PCDHGB5: variants seen among roughly 807,000 people sequenced by gnomAD.
PCDHGB5 encodes protocadherin gamma-B5.
Under a neutral mutation model 62.9 loss-of-function variants are expected in PCDHGB5, and 48 were observed. That is an observed-to-expected ratio of 0.76 (90% CI 0.61 to 0.97). The LOEUF (loss-of-function observed/expected upper bound fraction) is 0.97. Among genes scored for constraint, PCDHGB5 ranks in the 50% least tolerant of loss-of-function variants. PCDHGB5 has a pLI of 0.00. For missense variants in PCDHGB5, 1,118 were observed against 1,198.6 expected (o/e 0.93, Z 0.99); for synonymous variants, 474 against 511.2 (o/e 0.93, Z 0.98).
Position 141,477,673 on chromosome 5 carries a change from G to A in PCDHGB5, c.2398-17134G>A. The A allele has an allele frequency of 1.2e-6, 2 of 1,614,168 alleles. No individual in the cohort carries two copies. The highest frequency in any genetic ancestry group is 8.5e-7 in the Non-Finnish European group (1 of 1,180,050). ...CAATAAATCGTGACAATGGCATAGT[G>A]TCATCCTTAGTGCCCCTAGACTATG... On this transcript the variant is annotated intron_variant, in intron 1 of 3. Coordinates refer to ENST00000617380, the MANE Select transcript of PCDHGB5 (RefSeq NM_018925.3). This position sits in a 1 kb window ranked among gnomAD's most constrained non-coding sequence, Gnocchi z 4.9.
chr5:141,444,551 G>A (rs758187608), intron 1 of PCDHGB5, among the ~76,000 whole-genome samples: 1 of 152,022 alleles, frequency 6.6e-6, no homozygotes, highest in Non-Finnish European at 1.5e-5. Context: ...TGAGCAAAAG[G>A]CACTTATTTG....
chr5:141,427,114 A>G (rs767478190), intron 1 of PCDHGB5: 1 of 457,522 alleles, frequency 2.2e-6, no homozygotes, highest in Non-Finnish European at 4.4e-6. Flanking sequence ...GAGATCACCT[A>G]CTCTTTCAAA....
chr5:141,433,555 G>C (rs1434189062), intron 1 of PCDHGB5, among the ~76,000 whole-genome samples: 1 of 152,088 alleles, frequency 6.6e-6, no homozygotes, highest in African/African-American at 2.4e-5. Flanking sequence ...TTCTTTTCTG[G>C]CTGGGCGCGG....
At chr5:141,409,988 G>GC (rs1561724887) in intron 1 of PCDHGB5, 1 of 1,613,278 alleles carries the variant, frequency 6.2e-7, no homozygotes, top group Non-Finnish European at 8.5e-7. Flanking sequence ...AGCGGTGGAC[G>GC]CCGACTCGGG....
chr5:141,420,840 TC>T (rs1453160032), intron 1 of PCDHGB5, among the ~76,000 whole-genome samples: 1 of 152,250 alleles, frequency 6.6e-6, no homozygotes, highest in Admixed American at 6.5e-5. Flanking sequence ...TCGCAGGTGT[TC>T]TTGGTAAAGT....
At position 141,400,254 on chromosome 5, in the gene PCDHGB5, G is replaced by C; in HGVS notation, c.2127G>C (p.Leu709Phe). The C allele has an allele frequency of 6.2e-7, 1 of 1,613,980 alleles. No individual in the cohort carries two copies. ...TGGCCGTGATTCTGGCCGTTGCCTT[G>C]CGCCTGCGACGCTCCTCCAGCCCTG... ...FLLAVILAVA[L>F]RLRRSSSPAA... The change falls in exon 1 of 4, where the codon TTG becomes TTC. Residue 709 changes from leucine (L) to phenylalanine (F), a missense_variant. Transcript: ENST00000617380.
In PCDHGB5 at chr5:141,432,887, T is replaced by G. The variant is rs146168033; in HGVS notation, c.2397+32363T>G. 2.8e-4 allele frequency: 451 copies of G among 1,614,156 alleles called. No individual in the cohort carries two copies. In the African/African-American group the frequency reaches 4.6e-3, roughly 17 times the overall value. ...CTGCGTCTTCCTGGCCTTCGTCATC[T>G]TGCTGCTGGCGCTCAGGCTGCGGCG... is the stretch of plus-strand genomic sequence containing the variant. On this transcript the variant is annotated intron_variant, in intron 1 of 3. Transcript: ENST00000617380. The surrounding 1 kb of genome is among the most constrained non-coding windows in gnomAD (Gnocchi z 6.0).
rs752401867 is a variant in PCDHGB5, at chr5:141,511,224, G to A, written c.*51G>A. On this transcript the variant is annotated 3_prime_UTR_variant, in exon 4 of 4. Transcript: ENST00000617380. ...GGGCGGCCTCTCCCCAACCAGCCCA[G>A]CTTCTCCTTACCTGCACCCAGGCCT... 1.2e-6 allele frequency: 2 copies of A among 1,603,276 alleles called. No homozygotes were observed.
At chr5:141,473,401 T>G (rs1285517100) in intron 1 of PCDHGB5, among the ~76,000 whole-genome samples, 3 of 152,222 alleles carry the variant, frequency 2.0e-5, no homozygotes. Context: ...GCTTCTTTTT[T>G]TCTTCTTCAG....
rs2099745591 is a variant in PCDHGB5, at chr5:141,492,999, T to C, written c.2398-1808T>C. Among the ~76,000 whole-genome samples, 3 of 152,350 alleles carry C rather than the reference T, an allele frequency of 2.0e-5. No homozygotes were observed. In the South Asian group the frequency reaches 6.2e-4, roughly 32 times the overall value. ...CTGTCTCCTCTGGCAGATGGAAAGCTATAGGCTCTGCCAGATGCCAGGGTG... is the reference window on the plus strand; with the variant it reads ...CTGTCTCCTCTGGCAGATGGAAAGCCATAGGCTCTGCCAGATGCCAGGGTG... On this transcript the variant is annotated intron_variant, in intron 1 of 3. Coordinates refer to ENST00000617380, the MANE Select transcript of PCDHGB5 (RefSeq NM_018925.3).
chr5:141,498,565 G>C (rs2099784348), intron 2 of PCDHGB5, among the ~76,000 whole-genome samples: 1 of 152,044 alleles, frequency 6.6e-6, no homozygotes. Context: ...CTTCAAAGCA[G>C]GGCTAGTATT....
chr5:141,486,282 C>T lies in PCDHGB5; in HGVS notation c.2398-8525C>T. ...AGTGCAGAACCTGGCACTGTGGTGGCACTTATCAGTGTGCAGGATCCAGAC... is the reference window on the plus strand; with the variant it reads ...AGTGCAGAACCTGGCACTGTGGTGGTACTTATCAGTGTGCAGGATCCAGAC... On this transcript the variant is annotated intron_variant, in intron 1 of 3. Transcript: ENST00000617380. This position sits in a 1 kb window ranked among gnomAD's most constrained non-coding sequence, Gnocchi z 5.0. 6.2e-7 allele frequency: 1 copy of T among 1,614,052 alleles called. No homozygotes were observed. Among genetic ancestry groups the T allele is most frequent in the Non-Finnish European group, 8.5e-7 (1 of 1,179,992 alleles).
intron 1 of PCDHGB5, among the ~76,000 whole-genome samples, chr5:141,449,331 G>T (rs1054980032): frequency 3.3e-5 from 5 of 151,950 alleles, no homozygotes; most frequent in Admixed American, 3.3e-4. Flanking sequence ...TGTAGGCCAG[G>T]TGCAGTGGCT....
intron 1 of PCDHGB5, chr5:141,413,940 TC>T (rs1190444840): frequency 1.2e-6 from 2 of 1,613,390 alleles, no homozygotes; most frequent in East Asian, 2.2e-5. Context: ...GAGTGAGTGT[TC>T]CTGAGAATTT....
At chr5:141,483,816 A>G (rs2099587505) in intron 1 of PCDHGB5, among the ~76,000 whole-genome samples, 1 of 152,172 alleles carries the variant, frequency 6.6e-6, no homozygotes, top group Admixed American at 6.5e-5. Context: ...TTTGGCAGCC[A>G]GTGTAACCTA....
At chr5:141,445,767 T>C (rs2098476828) in intron 1 of PCDHGB5, among the ~76,000 whole-genome samples, 1 of 152,142 alleles carries the variant, frequency 6.6e-6, no homozygotes, top group African/African-American at 2.4e-5. Flanking sequence ...ACTCAAGCAA[T>C]TTAAAAGGGC....
intron 1 of PCDHGB5, among the ~76,000 whole-genome samples, chr5:141,451,001 A>AT (rs1164946963): frequency 2.0e-5 from 3 of 148,376 alleles, no homozygotes; most frequent in South Asian, 2.1e-4. Context: ...ATTTTTTTGT[A>AT]TTTTTTTTAG....
intron 1 of PCDHGB5, chr5:141,404,337 C>CG (rs1376523964): frequency 1.9e-6 from 3 of 1,613,784 alleles, no homozygotes; most frequent in Non-Finnish European, 2.5e-6. Context: ...GTCTACCTCC[C>CG]GGAAAACAAC....
chr5:141,421,901 G>A lies in PCDHGB5; in HGVS notation c.2397+21377G>A. ...GATGGAGGCGATCCCATCCGAAAGG[G>A]CGCAGTTCCCATTCGTGTGGTGGTC... is the stretch of plus-strand genomic sequence containing the variant. On this transcript the variant is annotated intron_variant, in intron 1 of 3. Coordinates refer to ENST00000617380, the MANE Select transcript of PCDHGB5 (RefSeq NM_018925.3). 1.9e-6 allele frequency: 3 copies of A among 1,613,724 alleles called. No individual in the cohort carries two copies. Among genetic ancestry groups the A allele is most frequent in the East Asian group, 2.2e-5 (1 of 44,880 alleles).
Sources: allele counts gnomAD v4.1 joint callset (sites outside exome capture counted in the v4.1 genomes callset), GRCh38; gene constraint gnomAD v4.1.1; non-coding constraint Gnocchi (gnomAD v3.1); transcripts MANE v1.5; gene names NCBI Gene and HGNC (gene_info 2026-07-23, HGNC 2026-07-21).